The following MSRA variants were observed in gnomAD, a reference collection of about 807,000 sequenced individuals.
MSRA encodes mitochondrial peptide methionine sulfoxide reductase.
MSRA carries 54 observed loss-of-function variants against 31.3 expected under a neutral mutation model. The ratio of observed to expected loss-of-function variants is 1.73; its 90% CI spans 1.39 to 2.17. The LOEUF is 2.17. Ranked by LOEUF, MSRA falls within the 30% of genes most tolerant of loss-of-function variation. The pLI is 0.00. For missense variants in MSRA, 507 were observed against 300.9 expected (o/e 1.69, Z -5.07); for synonymous variants, 169 against 116.5 (o/e 1.45, Z -2.90).
chr8:10,230,309 GGGAGAA>G (rs1468321792), intron 2 of MSRA, among the ~76,000 whole-genome samples: 8 of 152,194 alleles, frequency 5.3e-5, no homozygotes, highest in Admixed American at 5.2e-4. Flanking sequence ...AAAGACTTAA[GGGAGAA>G]GGTTATACCG....
chr8:10,293,483 C>A (rs1211318708), intron 3 of MSRA, among the ~76,000 whole-genome samples: 1 of 152,242 alleles, frequency 6.6e-6, no homozygotes, highest in Non-Finnish European at 1.5e-5. Flanking sequence ...ATGCTCTCCT[C>A]CAGACATCTG....
intron 2 of MSRA, among the ~76,000 whole-genome samples, chr8:10,225,011 GC>G: frequency 6.6e-6 from 1 of 152,282 alleles, no homozygotes; most frequent in South Asian, 2.1e-4. Context: ...GGTGGCGCAT[GC>G]CTGTAATCCC....
intron 2 of MSRA, among the ~76,000 whole-genome samples, chr8:10,236,064 A>T (rs1811907500): frequency 1.3e-5 from 2 of 152,300 alleles, no homozygotes; most frequent in South Asian, 4.1e-4. Context: ...ATGCATTGTT[A>T]ATATTCAGAA....
intron 1 of MSRA, among the ~76,000 whole-genome samples, chr8:10,131,443 G>C (rs952397723): frequency 2.6e-5 from 4 of 152,236 alleles, no homozygotes; most frequent in Non-Finnish European, 4.4e-5. Context: ...ACTTATTGTA[G>C]GGGAGGGCAG....
In MSRA at chr8:10,262,844, C is replaced by T. The variant is rs138870829; in HGVS notation, c.331+17621C>T. On this transcript the variant is annotated intron_variant, in intron 3 of 5. Transcript: ENST00000317173. ...TTGCATGCCCGAATGTTGGCACTCA[C>T]ACCTTTCTTGTTCACTTGCTTCTAT... 3.3e-5 allele frequency among the ~76,000 whole-genome samples: 5 copies of T among 152,352 alleles called. No homozygotes were observed. In the East Asian group the frequency reaches 9.6e-4, roughly 29 times the overall value.
At chr8:10,294,738 G>T (rs1021225228) in intron 3 of MSRA, among the ~76,000 whole-genome samples, 2 of 152,160 alleles carry the variant, frequency 1.3e-5, no homozygotes, top group Non-Finnish European at 2.9e-5. Context: ...GCAGAGCCCA[G>T]TTCACACTGG....
chr8:10,393,260 G>A (rs1473641379), intron 5 of MSRA, among the ~76,000 whole-genome samples: 1 of 152,122 alleles, frequency 6.6e-6, no homozygotes, highest in Non-Finnish European at 1.5e-5. Context: ...TGGATGCGGT[G>A]CCAGGGGGTT....
chr8:10,244,595 A>G (rs1364092027), intron 2 of MSRA, among the ~76,000 whole-genome samples: 2 of 152,228 alleles, frequency 1.3e-5, no homozygotes, highest in South Asian at 2.1e-4. Flanking sequence ...TAGTGATTAA[A>G]AAAATGAAAA....
intron 1 of MSRA, among the ~76,000 whole-genome samples, chr8:10,093,620 G>A (rs1480112158): frequency 2.6e-5 from 4 of 152,000 alleles, no homozygotes; most frequent in Middle Eastern, 3.4e-3. Context: ...AAATGCTTAA[G>A]GATATTTAAA....
chr8:10,191,954 C>T (rs1282152223), intron 1 of MSRA, among the ~76,000 whole-genome samples: 1 of 152,112 alleles, frequency 6.6e-6, no homozygotes, highest in African/African-American at 2.4e-5. Context: ...AGCTGGGTGC[C>T]CCTGGATCAG....
At chr8:10,198,314 AT>A (rs11367437) in intron 1 of MSRA, among the ~76,000 whole-genome samples, 72,624 of 148,962 alleles carry the variant, frequency 0.49, 17,747 homozygotes, top group African/African-American at 0.58. Flanking sequence ...ATACTTTATT[AT>A]TTTTTTTTTT....
chr8:10,162,817 C>G (rs895158461), intron 1 of MSRA, among the ~76,000 whole-genome samples: 4 of 152,124 alleles, frequency 2.6e-5, no homozygotes, highest in African/African-American at 9.7e-5. Context: ...GTGGCTTGCC[C>G]AAGGCCACAC....
chr8:10,225,966 G>GA (rs1810965688), intron 2 of MSRA, among the ~76,000 whole-genome samples: 1 of 152,152 alleles, frequency 6.6e-6, no homozygotes, highest in Admixed American at 6.5e-5. Flanking sequence ...CATGCCATAG[G>GA]AAAAAATGGG....
intron 4 of MSRA, among the ~76,000 whole-genome samples, chr8:10,312,514 A>C (rs1050477016): frequency 3.3e-5 from 5 of 152,248 alleles, no homozygotes; most frequent in Non-Finnish European, 7.3e-5. Context: ...AGTTTTTCAT[A>C]ATGTTTTCAA....
intron 1 of MSRA, among the ~76,000 whole-genome samples, chr8:10,152,491 C>T (rs1239360019): frequency 1.3e-5 from 2 of 151,870 alleles, no homozygotes; most frequent in Non-Finnish European, 2.9e-5. Flanking sequence ...ATTAAGAGCC[C>T]CAGGAAAGGC....
At chr8:10,098,714 T>G (rs912383460) in intron 1 of MSRA, among the ~76,000 whole-genome samples, 2 of 152,202 alleles carry the variant, frequency 1.3e-5, no homozygotes, top group Admixed American at 6.5e-5. Context: ...AGAATCTTGT[T>G]TTATGACTAT....
intron 2 of MSRA, among the ~76,000 whole-genome samples, chr8:10,220,097 A>G (rs1815760870): frequency 6.6e-6 from 1 of 152,180 alleles, no homozygotes. Flanking sequence ...CTTTCCCTAC[A>G]TTCTTATGTA....
intron 3 of MSRA, among the ~76,000 whole-genome samples, chr8:10,254,787 G>A (rs775799540): frequency 1.3e-5 from 2 of 152,186 alleles, no homozygotes; most frequent in Admixed American, 6.5e-5. Context: ...CATGTCTTTC[G>A]TGAGCATTTT....
rs548388165 is a variant in MSRA at position 10,249,096 on chromosome 8, C to G, written c.331+3873C>G. ...CACTCTCTTGGGTGTTCTGGGCAGA[C>G]CCACAGAGCCTGATACCCTGGCACT... On this transcript the variant is annotated intron_variant, in intron 3 of 5. Coordinates refer to ENST00000317173, the MANE Select transcript of MSRA (RefSeq NM_012331.5). 6.6e-5 allele frequency among the ~76,000 whole-genome samples: 10 copies of G among 152,258 alleles called. No homozygotes were observed. The South Asian group carries it at 2.1e-3, about 32-fold the overall frequency.
Sources: gnomAD v4.1 joint callset for allele counts (sites outside exome capture counted in the v4.1 genomes callset) on GRCh38, gnomAD v4.1.1 for gene constraint, MANE v1.5 for transcripts, NCBI Gene and HGNC (gene_info 2026-07-23, HGNC 2026-07-21) for gene names.